The following IGF2BP1 variants were observed in gnomAD, a reference collection of about 807,000 sequenced individuals.
The protein encoded by IGF2BP1 is insulin like growth factor 2 mRNA binding protein 1.
Under a neutral mutation model 74.9 loss-of-function variants are expected in IGF2BP1, and 11 were observed. The observed-to-expected ratio is 0.15, with a 90% CI of 0.09 to 0.24. IGF2BP1 has a LOEUF of 0.24. Among genes scored for constraint, IGF2BP1 ranks in the 10% least tolerant of loss-of-function variants. The probability of loss-of-function intolerance (pLI) is 1.00; values close to 1 mark genes in which losing one functional copy is unlikely to be tolerated. For synonymous variants in IGF2BP1, 287 were observed against 281.8 expected (o/e 1.02, Z -0.18); for missense variants, 440 against 757.4 (o/e 0.58, Z 4.92).
intron 5 of IGF2BP1, chr17:49,036,427 C>G (rs1473445786): frequency 6.6e-6 from 1 of 151,076 alleles, no homozygotes; most frequent in East Asian, 1.9e-4. Context: ...GAAGATGGCA[C>G]GCAAATTTGT....
Position 49,049,612 on chromosome 17 carries a change from C to T in IGF2BP1, c.*168C>T. 1.7e-6 allele frequency: 1 copy of T among 599,154 alleles called. No individual in the cohort carries two copies. The allele number at this position is 599,154 out of a possible 1,614,324, so 37.1% of individuals were successfully genotyped here. On this transcript the variant is annotated 3_prime_UTR_variant, in exon 15 of 15. Transcript: ENST00000290341. Reference sequence around the variant, plus strand: ...AGATGTTCCAGTGAGGAACCCTGATCTCTCAGCCCCAAACACCCACCCAAT... The same window carrying T: ...AGATGTTCCAGTGAGGAACCCTGATTTCTCAGCCCCAAACACCCACCCAAT...
chr17:48,999,922 T>TGG (rs1483716826), intron 2 of IGF2BP1, among the ~76,000 whole-genome samples: 3 of 103,366 alleles, frequency 2.9e-5, no homozygotes, highest in African/African-American at 4.2e-5. Flanking sequence ...CGTGGATGAA[T>TGG]GGTGTGTGTG....
chr17:49,024,304 C>T (rs2041826963), intron 2 of IGF2BP1, among the ~76,000 whole-genome samples: 1 of 151,902 alleles, frequency 6.6e-6, no homozygotes, highest in Non-Finnish European at 1.5e-5. Context: ...CCCAGCTATA[C>T]AGGAGGGTGG....
At chr17:49,020,719 A>T (rs565176095) in intron 2 of IGF2BP1, among the ~76,000 whole-genome samples, 1 of 152,326 alleles carries the variant, frequency 6.6e-6, no homozygotes, top group Non-Finnish European at 1.5e-5. Context: ...AAATCAAAAC[A>T]TCCCACCTAT....
At chr17:49,008,064 T>G (rs532159304) in intron 2 of IGF2BP1, among the ~76,000 whole-genome samples, 3 of 151,246 alleles carry the variant, frequency 2.0e-5, no homozygotes, top group Admixed American at 6.6e-5. Context: ...CCCAGCTACT[T>G]GGGAGGCTGA....
At chr17:49,038,129 T>G (rs771565609) in intron 5 of IGF2BP1, 39 bp from the exon 6 acceptor site, 34 of 1,422,748 alleles carry the variant, frequency 2.4e-5, no homozygotes, top group African/African-American at 5.9e-5. Context: ...ATGATTGGCA[T>G]GGATTGGAAT....
At chr17:49,032,532 C>T (rs1237715396) in intron 5 of IGF2BP1, among the ~76,000 whole-genome samples, 2 of 152,316 alleles carry the variant, frequency 1.3e-5, no homozygotes, top group East Asian at 1.9e-4. Context: ...CTCACTGTTA[C>T]AGACAGACTA....
At chr17:49,026,679 G>T (rs765279761) in intron 4 of IGF2BP1, among the ~76,000 whole-genome samples, 162 bp downstream of exon 4, 25 of 29,834 alleles carry the variant, frequency 8.4e-4, no homozygotes, top group Middle Eastern at 0.023. Context: ...CTTCCTTCCT[G>T]CCTTCCTGCC....
At chr17:49,042,816 C>T (rs1399612113) in intron 9 of IGF2BP1, among the ~76,000 whole-genome samples, 2 of 152,068 alleles carry the variant, frequency 1.3e-5, no homozygotes, top group Non-Finnish European at 2.9e-5. Context: ...ACCTAGGAGA[C>T]TACAGGTGTA....
chr17:49,038,126 G>A, intron 5 of IGF2BP1, 42 bp from the exon 6 acceptor site: 1 of 1,420,894 alleles, frequency 7.0e-7, no homozygotes, highest in Non-Finnish European at 9.2e-7. Flanking sequence ...GGTATGATTG[G>A]CATGGATTGG....
At chr17:49,032,576 C>G (rs2041937793) in intron 5 of IGF2BP1, among the ~76,000 whole-genome samples, 1 of 152,186 alleles carries the variant, frequency 6.6e-6, no homozygotes, top group African/African-American at 2.4e-5. Flanking sequence ...ATATTAATAT[C>G]CGAGCCCGTT....
At chr17:49,030,181 A>G (rs1598147136) in intron 4 of IGF2BP1, among the ~76,000 whole-genome samples, 2 of 134,514 alleles carry the variant, frequency 1.5e-5, no homozygotes, top group South Asian at 4.5e-4. Context: ...TCGCTTTGTC[A>G]CCCAGTCTGA....
rs975271684 is a variant in IGF2BP1, at chr17:49,014,920, C to T, written c.237-10698C>T. On this transcript the variant is annotated intron_variant, in intron 2 of 14. Transcript: ENST00000290341. Reference sequence around the variant, plus strand: ...CTGAGAGGGCCACCTCGGCTGTTCCCTCTGGAGGACAGAGCCCGACTCTGT... The same window carrying T: ...CTGAGAGGGCCACCTCGGCTGTTCCTTCTGGAGGACAGAGCCCGACTCTGT... 9 of 985,184 alleles carry T rather than the reference C, an allele frequency of 9.1e-6. No individual in the cohort carries two copies. The African/African-American group carries it at 1.6e-4, about 17-fold the overall frequency. The allele number at this position is 985,184 out of a possible 1,614,324, so 61.0% of individuals were successfully genotyped here.
chr17:49,014,894 C>T, intron 2 of IGF2BP1: 5 of 985,362 alleles, frequency 5.1e-6, no homozygotes, highest in Non-Finnish European at 6.0e-6. Context: ...TCTCCTGGCT[C>T]CTGAGAGGGC....
At position 49,039,988 on chromosome 17, in the gene IGF2BP1, G is replaced by A. The variant is rs1314044357; in HGVS notation, c.715G>A (p.Ala239Thr). Residue 239 changes from alanine (A) to threonine (T), a missense_variant, in exon 7 of 15, where the codon GCA becomes ACA. Ala to Thr is a moderately conservative substitution (Grantham distance 58). Coordinates refer to ENST00000290341, the MANE Select transcript of IGF2BP1 (RefSeq NM_006546.4). ...IDVHRKENAG[A>T]AEKAISVHST... The stretch of plus-strand genomic sequence containing the variant: ...CGTGCATAGGAAGGAGAACGCAGGT[G>A]CAGCTGAAAAAGCCATCAGTGTGCA... The A allele has an allele frequency of 6.2e-7, 1 of 1,613,174 alleles. No homozygotes were observed.
chr17:49,046,174 C>A, intron 13 of IGF2BP1, 86 bp from the exon 14 acceptor site: 1 of 1,435,988 alleles, frequency 7.0e-7, no homozygotes, highest in Non-Finnish European at 9.8e-7. Context: ...CTTCCAGGTT[C>A]TCCCCACTAG....
chr17:49,043,412 C>T lies in IGF2BP1; in HGVS notation c.1078-16C>T. On this transcript the variant is annotated splice_polypyrimidine_tract_variant and intron_variant, in intron 9 of 14. Coordinates refer to ENST00000290341, the MANE Select transcript of IGF2BP1 (RefSeq NM_006546.4). ...TCAGGGTGTGCTGACTCTTCCTCCT[C>T]ATCTTTCTTCCCCAGCTGCAGTCTC... is the stretch of plus-strand genomic sequence containing the variant. The T allele has an allele frequency of 1.2e-6, 2 of 1,613,416 alleles. No individual in the cohort carries two copies. The highest frequency in any genetic ancestry group is 1.7e-6 in the Non-Finnish European group (2 of 1,179,924).
At chr17:49,026,832 C>T (rs2041864697) in intron 4 of IGF2BP1, among the ~76,000 whole-genome samples, 2 of 152,124 alleles carry the variant, frequency 1.3e-5, no homozygotes, top group African/African-American at 2.4e-5. Context: ...CAACCTCTGC[C>T]TCCTGGGTTC....
At chr17:49,026,343 T>C in intron 3 of IGF2BP1, 123 bp from the exon 4 acceptor site, 1 of 810,434 alleles carries the variant, frequency 1.2e-6, no homozygotes. Context: ...CAGGTAATAA[T>C]GCTCAAACAC....
Sources: allele counts gnomAD v4.1 joint callset (sites outside exome capture counted in the v4.1 genomes callset), GRCh38; gene constraint gnomAD v4.1.1; transcripts MANE v1.5; gene names NCBI Gene and HGNC (gene_info 2026-07-23, HGNC 2026-07-21).